ZNF536: variants seen among roughly 807,000 people sequenced by gnomAD.
ZNF536 encodes zinc finger protein 536.
ZNF536 carries 13 observed loss-of-function variants against 84.5 expected under a neutral mutation model. That is an observed-to-expected ratio of 0.15 (90% confidence interval 0.10 to 0.24). The LOEUF is 0.24. ZNF536 is among the 10% of genes least tolerant of loss of function. The pLI is 1.00. For synonymous variants in ZNF536, 811 were observed against 742.5 expected (o/e 1.09, Z -1.50); for missense variants, 1,536 against 1,747.5 (o/e 0.88, Z 2.16).
intron 2 of ZNF536, among the ~76,000 whole-genome samples, chr19:30,462,839 T>A (rs2053211171): frequency 7.1e-6 from 1 of 141,038 alleles, no homozygotes; most frequent in African/African-American, 2.6e-5. Context: ...ATGGTGTGAG[T>A]GTTGTGTGGA....
Position 30,452,997 on chromosome 19 carries a change from G to C in ZNF536, c.2170+7265G>C, listed in dbSNP as rs548209371. Reference sequence around the variant, plus strand: ...CATGGTGTCGGGGGGGTGGGCAGGTGGTGGGGGGACTCTGATCTCCCCAGG... The same window carrying C: ...CATGGTGTCGGGGGGGTGGGCAGGTCGTGGGGGGACTCTGATCTCCCCAGG... On this transcript the variant is annotated intron_variant, in intron 2 of 4. Transcript: ENST00000355537. Among the ~76,000 whole-genome samples the C allele has an allele frequency of 4.8e-4, 73 of 151,380 alleles. 1 individual carries two copies. Among genetic ancestry groups the C allele is most frequent in the Non-Finnish European group, 8.4e-4 (57 of 67,844 alleles).
intron 2 of ZNF536, among the ~76,000 whole-genome samples, chr19:30,494,971 G>T (rs1453138365): frequency 8.8e-6 from 1 of 113,426 alleles, no homozygotes; most frequent in Non-Finnish European, 1.7e-5. Flanking sequence ...AAAAAAAAAA[G>T]CCCCCTCAGC....
intron 1 of ZNF536, among the ~76,000 whole-genome samples, chr19:30,600,392 C>T (rs1486951878): frequency 6.6e-6 from 1 of 152,182 alleles, no homozygotes; most frequent in East Asian, 1.9e-4. Flanking sequence ...CCGCACCTGG[C>T]CGGCTGTTTA....
intron 2 of ZNF536, among the ~76,000 whole-genome samples, chr19:30,458,852 C>A (rs759617814): frequency 6.6e-6 from 1 of 152,178 alleles, no homozygotes; most frequent in Admixed American, 6.5e-5. Context: ...TCTCATTTCC[C>A]GTGGGCCCCC....
intron 2 of ZNF536, among the ~76,000 whole-genome samples, chr19:30,309,453 G>A (rs1042663059): frequency 1.3e-5 from 2 of 152,192 alleles, no homozygotes; most frequent in African/African-American, 2.4e-5. Context: ...AAATGGTTCT[G>A]CTGCCTCAGC....
chr19:30,280,235 C>G (rs1348357484), intron 1 of ZNF536, among the ~76,000 whole-genome samples: 1 of 152,098 alleles, frequency 6.6e-6, no homozygotes. Flanking sequence ...TTCAGACCCT[C>G]TCTTTCCTCC....
chr19:30,598,459 C>A (rs2047543716), intron 1 of ZNF536, among the ~76,000 whole-genome samples: 1 of 152,148 alleles, frequency 6.6e-6, no homozygotes, highest in Non-Finnish European at 1.5e-5. Context: ...CTCTATAAAG[C>A]CACACCAAAT....
chr19:30,610,716 C>A (rs1444858703), intron 1 of ZNF536, among the ~76,000 whole-genome samples: 1 of 152,098 alleles, frequency 6.6e-6, no homozygotes, highest in African/African-American at 2.4e-5. Flanking sequence ...CCCTCTGAAC[C>A]AAGGACAGCC....
At chr19:30,447,028 G>A (rs1301846999) in intron 2 of ZNF536, among the ~76,000 whole-genome samples, 1 of 152,200 alleles carries the variant, frequency 6.6e-6, no homozygotes, top group Non-Finnish European at 1.5e-5. Context: ...AGGAAATCAT[G>A]CCATAACAAA....
At chr19:30,326,975 C>T (rs1181690820) in intron 2 of ZNF536, among the ~76,000 whole-genome samples, 1 of 151,336 alleles carries the variant, frequency 6.6e-6, no homozygotes, top group Non-Finnish European at 1.5e-5. Context: ...GGTATAATGG[C>T]ACACACCTAT....
intron 2 of ZNF536, among the ~76,000 whole-genome samples, chr19:30,350,609 T>A (rs987783003): frequency 2.6e-5 from 4 of 152,256 alleles, no homozygotes; most frequent in Non-Finnish European, 5.9e-5. Context: ...GAATGCTGTG[T>A]TGAGACATGC....
At chr19:30,507,251 A>G (rs1340467733) in intron 2 of ZNF536, among the ~76,000 whole-genome samples, 2 of 152,180 alleles carry the variant, frequency 1.3e-5, no homozygotes, top group African/African-American at 4.8e-5. Context: ...AATCCCAGTT[A>G]CTTGGGAGGC....
intron 1 of ZNF536, among the ~76,000 whole-genome samples, chr19:30,442,424 CATT>C (rs996971144): frequency 5.9e-5 from 9 of 152,286 alleles, no homozygotes; most frequent in Admixed American, 5.2e-4. Context: ...AATTTGTACT[CATT>C]ATTGTATATT....
Position 30,293,861 on chromosome 19 carries a change from G to A in ZNF536, c.-120+9720G>A, listed in dbSNP as rs1600106706. Among the ~76,000 whole-genome samples the A allele has an allele frequency of 2.0e-5, 3 of 152,330 alleles. No individual in the cohort carries two copies. The East Asian group carries it at 5.8e-4, about 29-fold the overall frequency. On this transcript the variant is annotated intron_variant, in intron 2 of 5. Coordinates refer to the ZNF536 transcript ENST00000585628. The stretch of plus-strand genomic sequence containing the variant: ...CTAAATACTGGAAGAAGGGGTGAGG[G>A]TGGCAGTTGCTTTGTGCCTGAGAAG...
At chr19:30,413,069 C>A (rs1021531837) in intron 1 of ZNF536, among the ~76,000 whole-genome samples, 1 of 151,814 alleles carries the variant, frequency 6.6e-6, no homozygotes, top group Admixed American at 6.6e-5. Context: ...AATTTTTATT[C>A]CCTTCCTCAA....
intron 1 of ZNF536, among the ~76,000 whole-genome samples, chr19:30,408,375 A>G (rs10425871): frequency 0.61 from 91,981 of 151,998 alleles, 28,503 homozygotes; most frequent in African/African-American, 0.64. Context: ...TATCCAGGGG[A>G]TGCCCTTGTG....
At position 30,396,735 on chromosome 19, in the gene ZNF536, G is replaced by A. The variant is rs370385162; in HGVS notation, c.-3+24179G>A. On this transcript the variant is annotated intron_variant, in intron 1 of 4. Coordinates refer to ENST00000355537, the MANE Select transcript of ZNF536 (RefSeq NM_014717.3). ...TTCTCCTGCCTCAGTCTCCCGAGTA[G>A]CTGAGATTACAGGCATGCACCACCA... Among the ~76,000 whole-genome samples, 425 of 152,152 alleles carry A rather than the reference G, an allele frequency of 2.8e-3. 2 individuals carry two copies. Among genetic ancestry groups the A allele is most frequent in the African/African-American group, 9.6e-3 (399 of 41,524 alleles).
intron 1 of ZNF536, among the ~76,000 whole-genome samples, chr19:30,375,779 G>A (rs959076433): frequency 1.3e-5 from 2 of 152,246 alleles, no homozygotes; most frequent in African/African-American, 4.8e-5. Flanking sequence ...GTGTGCCTGT[G>A]TGTCCGTATT....
intron 2 of ZNF536, among the ~76,000 whole-genome samples, chr19:30,299,913 T>A (rs974491999): frequency 2.6e-5 from 4 of 152,160 alleles, no homozygotes; most frequent in Non-Finnish European, 5.9e-5. Context: ...TGAAAAATCA[T>A]AAAATGCCTA....
Sources: gnomAD v4.1 joint callset for allele counts (sites outside exome capture counted in the v4.1 genomes callset) on GRCh38, gnomAD v4.1.1 for gene constraint, MANE v1.5 for transcripts, NCBI Gene and HGNC (gene_info 2026-07-23, HGNC 2026-07-21) for gene names.